The following TMEFF1 variants were observed in gnomAD, a reference collection of about 807,000 sequenced individuals.
The protein encoded by TMEFF1 is transmembrane protein with EGF like and two follistatin like domains 1, also known as tomoregulin-1.
A neutral mutation model predicts 47.5 loss-of-function variants in TMEFF1; 20 were observed. That is an observed-to-expected ratio of 0.42 (90% CI 0.30 to 0.61). The LOEUF is 0.61. Ranked by LOEUF, TMEFF1 falls within the 20% of genes least tolerant of loss-of-function variation. The pLI, the probability that TMEFF1 is intolerant of heterozygous loss-of-function variation, is 0.19. For missense variants in TMEFF1, 411 were observed against 471.1 expected (o/e 0.87, Z 1.18); for synonymous variants, 162 against 166.3 (o/e 0.97, Z 0.20).
chr9:100,564,633 G>T (rs1456670066), intron 8 of TMEFF1, among the ~76,000 whole-genome samples: 2 of 152,158 alleles, frequency 1.3e-5, no homozygotes, highest in Non-Finnish European at 2.9e-5. Context: ...TTGGAGGAAG[G>T]GTCAGGTCTT....
At chr9:100,542,843 T>C (rs1333804892) in intron 5 of TMEFF1, among the ~76,000 whole-genome samples, 1 of 152,100 alleles carries the variant, frequency 6.6e-6, no homozygotes, top group African/African-American at 2.4e-5. Flanking sequence ...TGAGAATATT[T>C]TCCTGCCTCA....
At chr9:100,573,133 C>G (rs1839279893) in intron 9 of TMEFF1, among the ~76,000 whole-genome samples, 2 of 151,914 alleles carry the variant, frequency 1.3e-5, no homozygotes, top group Non-Finnish European at 2.9e-5. Flanking sequence ...CTGACTGGCT[C>G]AGAATTTCTA....
intron 8 of TMEFF1, among the ~76,000 whole-genome samples, chr9:100,569,380 C>T (rs2118570731): frequency 6.6e-6 from 1 of 152,104 alleles, no homozygotes; most frequent in South Asian, 2.1e-4. Context: ...ATCCTTTGCT[C>T]TTTTATTTTT....
intron 3 of TMEFF1, among the ~76,000 whole-genome samples, chr9:100,511,553 T>C (rs947376950): frequency 6.6e-6 from 1 of 152,258 alleles, no homozygotes; most frequent in African/African-American, 2.4e-5. Flanking sequence ...TTTGGTCTTT[T>C]GTGGATCCTA....
chr9:100,527,223 T>A (rs1190353496), intron 5 of TMEFF1, among the ~76,000 whole-genome samples: 1 of 151,822 alleles, frequency 6.6e-6, no homozygotes. Flanking sequence ...AATGCCTGGA[T>A]CCGGAGGGGA....
At chr9:100,484,116 G>A (rs1837400240) in intron 1 of TMEFF1, among the ~76,000 whole-genome samples, 1 of 151,768 alleles carries the variant, frequency 6.6e-6, no homozygotes, top group Non-Finnish European at 1.5e-5. Flanking sequence ...TTATATTTTA[G>A]TTTTTAGGTG....
chr9:100,572,411 C>A (rs1839259677), intron 8 of TMEFF1, 107 bp from the exon 9 acceptor site: 1 of 1,275,442 alleles, frequency 7.8e-7, no homozygotes, highest in Non-Finnish European at 1.0e-6. Flanking sequence ...TGCATGATAT[C>A]CTATTCCTGT....
At chr9:100,479,068 C>G (rs1837289675) in intron 1 of TMEFF1, among the ~76,000 whole-genome samples, 1 of 152,132 alleles carries the variant, frequency 6.6e-6, no homozygotes, top group African/African-American at 2.4e-5. Flanking sequence ...TGTGGCAATT[C>G]AGGATTCTTG....
At chr9:100,539,157 C>T (rs764782385) in intron 5 of TMEFF1, among the ~76,000 whole-genome samples, 6 of 152,336 alleles carry the variant, frequency 3.9e-5, no homozygotes, top group Non-Finnish European at 7.3e-5. Context: ...CCGCCTGCCT[C>T]ATCCTCCCAA....
At chr9:100,554,739 A>G (rs565458024) in intron 7 of TMEFF1, among the ~76,000 whole-genome samples, 1 of 151,660 alleles carries the variant, frequency 6.6e-6, no homozygotes, top group South Asian at 2.1e-4. Flanking sequence ...GGATGTGTGG[A>G]GGGATATGTT....
chr9:100,501,724 A>C (rs1292018416), intron 2 of TMEFF1, among the ~76,000 whole-genome samples: 1 of 152,028 alleles, frequency 6.6e-6, no homozygotes, highest in African/African-American at 2.4e-5. Flanking sequence ...GGCTCACTGC[A>C]ACCTCCGCCT....
chr9:100,576,542 G>A lies in TMEFF1; in HGVS notation c.1085G>A (p.Arg362His), dbSNP rs888394480. Residue 362 changes from arginine to histidine, a missense_variant, in exon 10 of 10, where the codon CGT becomes CAT. By Grantham distance (29) the Arg-to-His change is conservative. Coordinates refer to ENST00000374879, the MANE Select transcript of TMEFF1 (RefSeq NM_003692.5). ...AAATGCCCCAAAAACAATAGAGGAC[G>A]TCGACAGAAGCAAAACCTAGGTCAT... ...TRKCPKNNRGRRQKQNLGHFT... is the reference protein window; with the variant it reads ...TRKCPKNNRGHRQKQNLGHFT... 6.8e-6 allele frequency: 11 copies of A among 1,612,812 alleles called. No individual in the cohort carries two copies. The highest frequency in any genetic ancestry group is 5.0e-5 in the Admixed American group (3 of 59,826).
chr9:100,516,560 T>C, intron 4 of TMEFF1, 115 bp from the exon 5 acceptor site: 2 of 1,339,582 alleles, frequency 1.5e-6, no homozygotes, highest in Non-Finnish European at 2.0e-6. Flanking sequence ...GTGACTGTTT[T>C]CAAGAGCTCA....
intron 6 of TMEFF1, among the ~76,000 whole-genome samples, chr9:100,548,933 C>T (rs1327351666): frequency 6.6e-6 from 1 of 152,024 alleles, no homozygotes; most frequent in African/African-American, 2.4e-5. Context: ...AGTATGGTCC[C>T]CCCACCCCAG....
At chr9:100,538,995 C>A (rs2118480287) in intron 5 of TMEFF1, among the ~76,000 whole-genome samples, 1 of 152,256 alleles carries the variant, frequency 6.6e-6, no homozygotes, top group East Asian at 1.9e-4. Context: ...ACCTCCACCT[C>A]CCAGGTTTAG....
At chr9:100,486,475 C>T (rs970467576) in intron 1 of TMEFF1, among the ~76,000 whole-genome samples, 1 of 152,112 alleles carries the variant, frequency 6.6e-6, no homozygotes, top group African/African-American at 2.4e-5. Context: ...CCCCTGACCT[C>T]AGATAATTGG....
At chr9:100,551,906 TG>T (rs1838833296) in intron 7 of TMEFF1, among the ~76,000 whole-genome samples, 1 of 152,146 alleles carries the variant, frequency 6.6e-6, no homozygotes, top group African/African-American at 2.4e-5. Context: ...TGGGGAACAG[TG>T]GGAATCTGTG....
chr9:100,477,105 G>C (rs990164958), intron 1 of TMEFF1, among the ~76,000 whole-genome samples: 9 of 152,194 alleles, frequency 5.9e-5, no homozygotes, highest in African/African-American at 2.2e-4. Context: ...GATTCGGTCA[G>C]GCTGTGCGTG....
chr9:100,533,473 G>A (rs1171347635), intron 5 of TMEFF1, among the ~76,000 whole-genome samples: 4 of 151,982 alleles, frequency 2.6e-5, no homozygotes, highest in African/African-American at 9.7e-5. Flanking sequence ...TGAAGTTTTA[G>A]TCTGTTTCAT....
Sources: allele counts gnomAD v4.1 joint callset (sites outside exome capture counted in the v4.1 genomes callset), GRCh38; gene constraint gnomAD v4.1.1; transcripts MANE v1.5; gene names NCBI Gene and HGNC (gene_info 2026-07-23, HGNC 2026-07-21).